The following PHF13 variants were observed in gnomAD, a reference collection of about 807,000 sequenced individuals.
PHF13 encodes the protein PHD finger protein 13.
PHF13 carries 1 observed loss-of-function variant against 25.8 expected under a neutral mutation model. The observed-to-expected ratio is 0.04, with a 90% CI of 0.01 to 0.18. PHF13 has a LOEUF of 0.18. Ranked by LOEUF, PHF13 falls within the 10% of genes least tolerant of loss-of-function variation. The pLI is 1.00. For missense variants in PHF13, 306 were observed against 403.2 expected (o/e 0.76, Z 2.06); for synonymous variants, 195 against 162.4 (o/e 1.20, Z -1.53).
Position 6,614,041 on chromosome 1 carries a change from AGCCGCC to A in PHF13, c.-19_-14del. ...AGCATCCCAGCTCCTGCACTCTCGC[AGCCGCC>A]GCCGCCCCCCGCCCGGAACATGGAC... On this transcript the variant is annotated 5_prime_UTR_variant, in exon 1 of 4. Coordinates refer to ENST00000377648, the MANE Select transcript of PHF13 (RefSeq NM_153812.3). The A allele has an allele frequency of 6.5e-7, 1 of 1,527,252 alleles. No homozygotes were observed. Among genetic ancestry groups the A allele is most frequent in the Non-Finnish European group, 8.8e-7 (1 of 1,136,678 alleles). The allele number at this position is 1,527,252 out of a possible 1,614,324, so 94.6% of individuals were successfully genotyped here. A position where few individuals can be genotyped will look rare whatever the true frequency, so the allele number is the denominator to read the frequency against.
chr1:6,615,247 T>C (rs1297081643), intron 1 of PHF13, among the ~76,000 whole-genome samples: 2 of 151,694 alleles, frequency 1.3e-5, no homozygotes, highest in East Asian at 2.0e-4. Flanking sequence ...GGCATTCGGG[T>C]TTTTGACCCA....
Position 6,619,664 on chromosome 1 carries a change from G to A in PHF13, c.142-139G>A. The A allele has an allele frequency of 4.5e-6, 4 of 881,320 alleles. No individual in the cohort carries two copies. The South Asian group carries it at 6.6e-5, about 15-fold the overall frequency. 54.6% of individuals were successfully genotyped at this position (881,320 alleles called of 1,614,324 possible). On this transcript the variant is annotated intron_variant, in intron 2 of 3. Transcript: ENST00000377648. ...AGAACTCATGTTACTGTTGCTTCAA[G>A]TGTGATGCTGATGGGCAGAGAAGCT...
At chr1:6,614,152 G>A (rs376413748) in intron 1 of PHF13, 47 bp downstream of exon 1, 182 of 1,535,038 alleles carry the variant, frequency 1.2e-4, no homozygotes, top group African/African-American at 1.0e-3. Context: ...CCCCCTCCGC[G>A]ATCCTGCCGT....
Position 6,620,170 on chromosome 1 carries a change from G to T in PHF13, c.509G>T (p.Gly170Val). 3 of 1,613,966 alleles carry T rather than the reference G, an allele frequency of 1.9e-6. No homozygotes were observed. The highest frequency in any genetic ancestry group is 1.7e-5 in the Admixed American group (1 of 60,014). The stretch of plus-strand genomic sequence containing the variant: ...CAGGCTCCCAGCGACCCCTGCTCGG[G>T]CTGGGACTCCGATACTCCCTCGAGT... The part of the protein sequence containing the change: ...IPQAPSDPCS[G>V]WDSDTPSSGS... Residue 170 changes from glycine to valine, a missense_variant, in exon 3 of 4, where the codon GGC (glycine) becomes GTC (valine). Physicochemically the swap from Gly to Val is moderately radical, Grantham distance 109. Around this residue, in one of 5 missense-constraint regions of PHF13, gnomAD observed 186 missense variants for 164.0 expected, o/e 1.13. Transcript: ENST00000377648.
In PHF13 at chr1:6,621,761, C is replaced by T. The variant is rs952740311; in HGVS notation, c.*124C>T. The T allele has an allele frequency of 1.0e-6, 1 of 963,666 alleles. No homozygotes were observed. The highest frequency in any genetic ancestry group is 1.6e-6 in the Non-Finnish European group (1 of 637,302). 59.7% of individuals were successfully genotyped at this position (963,666 alleles called of 1,614,324 possible). On this transcript the variant is annotated 3_prime_UTR_variant, in exon 4 of 4. Transcript: ENST00000377648. This position sits in a 1 kb window ranked among gnomAD's most constrained non-coding sequence, Gnocchi z 4.8. Reference sequence around the variant, plus strand: ...GGGCAGATCCCTGCCATTTAGGTGCCTAAGCAAAAGGACAGGCTGTCCAAG... The same window carrying T: ...GGGCAGATCCCTGCCATTTAGGTGCTTAAGCAAAAGGACAGGCTGTCCAAG...
chr1:6,614,416 G>C (rs958966847), intron 1 of PHF13: 3 of 333,470 alleles, frequency 9.0e-6, no homozygotes, highest in African/African-American at 4.5e-5. Context: ...GGGACCTGTC[G>C]GCGCCCCCAG....
rs1410795442 is a variant in PHF13, at chr1:6,622,687, T to G, written c.*1050T>G. 3 of 152,238 alleles carry G rather than the reference T, an allele frequency of 2.0e-5. No homozygotes were observed. Among genetic ancestry groups the G allele is most frequent in the African/African-American group, 7.2e-5 (3 of 41,416 alleles). 9.4% of individuals were successfully genotyped at this position (152,238 alleles called of 1,614,324 possible). A position where few individuals can be genotyped will look rare whatever the true frequency, so the allele number is the denominator to read the frequency against. On this transcript the variant is annotated 3_prime_UTR_variant, in exon 4 of 4. Coordinates refer to ENST00000377648, the MANE Select transcript of PHF13 (RefSeq NM_153812.3). ...CAGGGTACAGTTAGGACTTGAGTCTTTCTTTTTCTGTTTTGAGTTGGTGAG... is the reference window on the plus strand; with the variant it reads ...CAGGGTACAGTTAGGACTTGAGTCTGTCTTTTTCTGTTTTGAGTTGGTGAG...
chr1:6,620,735 A>G (rs1641326077), intron 3 of PHF13, among the ~76,000 whole-genome samples: 1 of 151,996 alleles, frequency 6.6e-6, no homozygotes. Flanking sequence ...AAATACAAAA[A>G]AAGGCTGGGC....
chr1:6,614,605 CCT>C (rs1228569917), intron 1 of PHF13: 2 of 152,768 alleles, frequency 1.3e-5, no homozygotes, highest in African/African-American at 2.4e-5. Flanking sequence ...CGCCCCGCCC[CCT>C]GACTCCGCGC....
At chr1:6,617,659 C>G (rs1172620580) in intron 2 of PHF13, among the ~76,000 whole-genome samples, 1 of 151,982 alleles carries the variant, frequency 6.6e-6, no homozygotes, top group Non-Finnish European at 1.5e-5. Context: ...GAACTCCTGA[C>G]CTCATGATCC....
At chr1:6,616,687 C>T (rs1042099933) in intron 1 of PHF13, 70 bp from the exon 2 acceptor site, 8 of 1,330,364 alleles carry the variant, frequency 6.0e-6, no homozygotes, top group Non-Finnish European at 8.7e-6. Flanking sequence ...CAGCTTACTT[C>T]CTTTTGTTTC....
At chr1:6,616,495 A>C (rs1351893428) in intron 1 of PHF13, among the ~76,000 whole-genome samples, 1 of 152,210 alleles carries the variant, frequency 6.6e-6, no homozygotes, top group African/African-American at 2.4e-5. Context: ...AGCACTAAGA[A>C]ATAGACTTTT....
chr1:6,615,791 C>T (rs190036530), intron 1 of PHF13, among the ~76,000 whole-genome samples: 36 of 152,188 alleles, frequency 2.4e-4, no homozygotes, highest in Non-Finnish European at 3.8e-4. Context: ...GGCTGGGACC[C>T]GCGAGCAAAA....
At chr1:6,618,289 C>CA (rs1378343861) in intron 2 of PHF13, among the ~76,000 whole-genome samples, 1 of 152,198 alleles carries the variant, frequency 6.6e-6, no homozygotes, top group Non-Finnish European at 1.5e-5. Context: ...CCCACCACCA[C>CA]ACCCACCTAA....
chr1:6,618,778 G>T (rs183910042), intron 2 of PHF13, among the ~76,000 whole-genome samples: 40 of 152,260 alleles, frequency 2.6e-4, no homozygotes, highest in Non-Finnish European at 4.7e-4. Context: ...CCAAGTAGCT[G>T]GGATTACAGG....
Position 6,613,999 on chromosome 1 carries a change from C to G in PHF13, c.-68C>G. The stretch of plus-strand genomic sequence containing the variant: ...TGCGCAGCCGCCCGAGCCCCCAGCC[C>G]CGGGCGGCCCCGCTCCAGCATCCCA... On this transcript the variant is annotated 5_prime_UTR_variant, in exon 1 of 4. Coordinates refer to ENST00000377648, the MANE Select transcript of PHF13 (RefSeq NM_153812.3). 7.8e-7 allele frequency: 1 copy of G among 1,288,870 alleles called. No homozygotes were observed. The highest frequency in any genetic ancestry group is 1.1e-6 in the Non-Finnish European group (1 of 918,882). The allele number at this position is 1,288,870 out of a possible 1,614,324, so 79.8% of individuals were successfully genotyped here. A position where few individuals can be genotyped will look rare whatever the true frequency, so the allele number is the denominator to read the frequency against.
intron 1 of PHF13, among the ~76,000 whole-genome samples, chr1:6,614,786 C>T (rs1641231955): frequency 6.6e-6 from 1 of 151,074 alleles, no homozygotes; most frequent in Non-Finnish European, 1.5e-5. Context: ...TCCGCCCCGG[C>T]TCACTCCCCC....
Position 6,621,295 on chromosome 1 carries a change from G to C in PHF13, c.677-116G>C. Reference sequence around the variant, plus strand: ...CTTTTCAGAGAGAAGTGTCAGCTTCGAGTGGCAGTTGGAAGTGTTCTCGTC... The same window carrying C: ...CTTTTCAGAGAGAAGTGTCAGCTTCCAGTGGCAGTTGGAAGTGTTCTCGTC... On this transcript the variant is annotated intron_variant, in intron 3 of 3. Coordinates refer to ENST00000377648, the MANE Select transcript of PHF13 (RefSeq NM_153812.3). This position sits in a 1 kb window ranked among gnomAD's most constrained non-coding sequence, Gnocchi z 4.8. 1 of 1,067,240 alleles carries C rather than the reference G, an allele frequency of 9.4e-7. No homozygotes were observed. The highest frequency in any genetic ancestry group is 1.4e-6 in the Non-Finnish European group (1 of 718,414). The allele number at this position is 1,067,240 out of a possible 1,614,324, so 66.1% of individuals were successfully genotyped here.
chr1:6,615,048 C>T (rs1641238749), intron 1 of PHF13, among the ~76,000 whole-genome samples: 1 of 128,618 alleles, frequency 7.8e-6, no homozygotes, highest in African/African-American at 2.8e-5. Flanking sequence ...CCCGCACCTT[C>T]GGGGGCCGAG....
Sources: gnomAD v4.1 joint callset for allele counts (sites outside exome capture counted in the v4.1 genomes callset) on GRCh38, gnomAD v4.1.1 for gene constraint, gnomAD v4.1.1 regional missense constraint, Gnocchi (gnomAD v3.1) non-coding constraint, MANE v1.5 for transcripts, NCBI Gene and HGNC (gene_info 2026-07-23, HGNC 2026-07-21) for gene names.